The following SPPL3 variants were observed in gnomAD, a reference collection of about 807,000 sequenced individuals.
SPPL3 encodes signal peptide peptidase like 3, also known as signal peptide peptidase-like 3.
In SPPL3, 5 loss-of-function variants were observed where a neutral mutation model predicts 42.4. The ratio of observed to expected loss-of-function variants is 0.12; its 90% CI spans 0.06 to 0.25. SPPL3 has a LOEUF of 0.25. Among genes scored for constraint, SPPL3 ranks in the 10% least tolerant of loss-of-function variants. The pLI, the probability that SPPL3 is intolerant of heterozygous loss-of-function variation, is 1.00. For missense variants in SPPL3, 235 were observed against 489.0 expected, an observed-to-expected ratio of 0.48 and a Z score of 4.90; for synonymous variants, 195 against 181.8, an observed-to-expected ratio of 1.07 and a Z score of -0.58.
At chr12:120,809,250 C>G (rs1361145396) in intron 2 of SPPL3, among the ~76,000 whole-genome samples, 1 of 151,948 alleles carries the variant, frequency 6.6e-6, no homozygotes, top group Non-Finnish European at 1.5e-5. Context: ...GAGGCCGAGA[C>G]AGAAGAATGG....
At chr12:120,900,818 G>T (rs1206244503) in intron 1 of SPPL3, among the ~76,000 whole-genome samples, 1 of 151,622 alleles carries the variant, frequency 6.6e-6, no homozygotes, top group Non-Finnish European at 1.5e-5. Context: ...GCCACCTGCA[G>T]GGCTGAGGCA....
At chr12:120,796,505 A>C (rs764657492) in intron 2 of SPPL3, among the ~76,000 whole-genome samples, 3 of 152,124 alleles carry the variant, frequency 2.0e-5, no homozygotes, top group Non-Finnish European at 4.4e-5. Flanking sequence ...TGATTGACTG[A>C]TTATTTTCCT....
At chr12:120,897,548 C>A (rs1873847635) in intron 1 of SPPL3, among the ~76,000 whole-genome samples, 1 of 151,990 alleles carries the variant, frequency 6.6e-6, no homozygotes, top group Non-Finnish European at 1.5e-5. Context: ...ACGGTGAAAC[C>A]CCGTCTCTAC....
intron 1 of SPPL3, among the ~76,000 whole-genome samples, chr12:120,873,939 G>A (rs1873001974): frequency 6.6e-6 from 1 of 151,740 alleles, no homozygotes; most frequent in African/African-American, 2.4e-5. Context: ...GAAAATGGGA[G>A]ATCTTTAAAG....
chr12:120,814,034 ATGATT>A (rs954206673), intron 1 of SPPL3, among the ~76,000 whole-genome samples: 4 of 152,210 alleles, frequency 2.6e-5, no homozygotes, highest in African/African-American at 9.6e-5. Flanking sequence ...GTGAAATAAT[ATGATT>A]TAAGATTTAC....
intron 1 of SPPL3, among the ~76,000 whole-genome samples, chr12:120,875,004 G>A (rs984642441): frequency 1.3e-5 from 2 of 152,166 alleles, no homozygotes; most frequent in Non-Finnish European, 2.9e-5. Flanking sequence ...TCATGTGCAC[G>A]GGTTCCGGCC....
intron 1 of SPPL3, among the ~76,000 whole-genome samples, chr12:120,827,668 G>GC (rs1271817737): frequency 9.2e-5 from 14 of 152,172 alleles, no homozygotes; most frequent in South Asian, 2.1e-4. Flanking sequence ...CCTGGCTTGT[G>GC]CCCCCCAGCC....
At chr12:120,877,367 C>T (rs1873136705) in intron 1 of SPPL3, among the ~76,000 whole-genome samples, 1 of 151,884 alleles carries the variant, frequency 6.6e-6, no homozygotes, top group South Asian at 2.1e-4. Flanking sequence ...TTCTATAAGG[C>T]CAGCATTACC....
intron 2 of SPPL3, among the ~76,000 whole-genome samples, chr12:120,804,068 A>T (rs1870413295): frequency 6.6e-6 from 1 of 152,112 alleles, no homozygotes; most frequent in Non-Finnish European, 1.5e-5. Flanking sequence ...TACTAACCTG[A>T]TGTTGTCTTC....
At chr12:120,792,923 C>T (rs926527916) in intron 2 of SPPL3, among the ~76,000 whole-genome samples, 1 of 151,858 alleles carries the variant, frequency 6.6e-6, no homozygotes, top group African/African-American at 2.4e-5. Flanking sequence ...AGATATGATG[C>T]TAAAAAACAG....
At chr12:120,789,742 C>T (rs959846662) in intron 3 of SPPL3, among the ~76,000 whole-genome samples, 1 of 142,524 alleles carries the variant, frequency 7.0e-6, no homozygotes, top group African/African-American at 2.7e-5. Flanking sequence ...GGAGAATTGC[C>T]TGAACCCAGG....
At chr12:120,843,142 A>ACATGT (rs1025639348) in intron 1 of SPPL3, among the ~76,000 whole-genome samples, 8 of 152,208 alleles carry the variant, frequency 5.3e-5, no homozygotes, top group African/African-American at 1.9e-4. Flanking sequence ...CAGTAGGGCT[A>ACATGT]CATGTCTGGG....
chr12:120,824,165 C>T (rs1383900499), intron 1 of SPPL3, among the ~76,000 whole-genome samples: 1 of 152,144 alleles, frequency 6.6e-6, no homozygotes, highest in Non-Finnish European at 1.5e-5. Flanking sequence ...CCACTGCACC[C>T]AGCCCACAAA....
intron 1 of SPPL3, among the ~76,000 whole-genome samples, chr12:120,875,422 A>C (rs952857656): frequency 6.6e-5 from 10 of 152,054 alleles, no homozygotes; most frequent in African/African-American, 9.7e-5. Context: ...TAGTAAATCA[A>C]GAACAGACCA....
intron 1 of SPPL3, among the ~76,000 whole-genome samples, chr12:120,878,818 G>T (rs970600780): frequency 5.3e-5 from 8 of 152,060 alleles, no homozygotes; most frequent in Non-Finnish European, 1.2e-4. Flanking sequence ...GTAGGGTTAA[G>T]AATAAGACGA....
Position 120,769,076 on chromosome 12 carries a change from G to A in SPPL3, c.503-17C>T, listed in dbSNP as rs1336758501. The A allele has an allele frequency of 6.3e-7, 1 of 1,587,968 alleles. No homozygotes were observed. The highest frequency in any genetic ancestry group is 8.6e-7 in the Non-Finnish European group (1 of 1,164,644). ...TGGCCAGTGCTGGGGAGGAGACAGG[G>A]TACAGCAGACAGCAGTCAGTGTGGA... is the stretch of plus-strand genomic sequence containing the variant. On this transcript the variant is annotated splice_polypyrimidine_tract_variant and intron_variant, in intron 6 of 10. Coordinates refer to ENST00000353487, the MANE Select transcript of SPPL3 (RefSeq NM_139015.5).
chr12:120,860,977 C>T (rs749580191), intron 1 of SPPL3, among the ~76,000 whole-genome samples: 5 of 152,080 alleles, frequency 3.3e-5, no homozygotes, highest in Non-Finnish European at 7.4e-5. Context: ...ATACTTTTTT[C>T]CTCCTCCCAT....
In SPPL3 at chr12:120,763,792, T is replaced by C. The variant is rs1592949848; in HGVS notation, c.*1207A>G. 1 of 138,430 alleles carries C rather than the reference T, an allele frequency of 7.2e-6. No individual in the cohort carries two copies. The allele number at this position is 138,430 out of a possible 1,614,324, so 8.6% of individuals were successfully genotyped here. A position where few individuals can be genotyped will look rare whatever the true frequency, so the allele number is the denominator to read the frequency against. On this transcript the variant is annotated 3_prime_UTR_variant, in exon 11 of 11. Coordinates refer to ENST00000353487, the MANE Select transcript of SPPL3 (RefSeq NM_139015.5). ...TATAATCACAACAGCAAGGACAGGA[T>C]TGTGTTGCTTTTTTCCTTTTTTTTT...
intron 1 of SPPL3, among the ~76,000 whole-genome samples, chr12:120,869,111 C>A (rs773734446): frequency 6.6e-6 from 1 of 152,122 alleles, no homozygotes; most frequent in Non-Finnish European, 1.5e-5. Context: ...TATTAAAACT[C>A]GAGCACCAAT....
Sources: allele counts gnomAD v4.1 joint callset (sites outside exome capture counted in the v4.1 genomes callset), GRCh38; gene constraint gnomAD v4.1.1; transcripts MANE v1.5; gene names NCBI Gene and HGNC (gene_info 2026-07-23, HGNC 2026-07-21).